CALN1: variants seen among roughly 807,000 people sequenced by gnomAD.
CALN1 encodes calcium-binding protein 8.
A neutral mutation model predicts 30.6 loss-of-function variants in CALN1; 17 were observed. The observed-to-expected ratio is 0.56, with a 90% CI of 0.38 to 0.83. The LOEUF (loss-of-function observed/expected upper bound fraction) is 0.83. CALN1 is among the 40% of genes least tolerant of loss of function. The pLI, the probability that CALN1 is intolerant of heterozygous loss-of-function variation, is 0.00. For missense variants in CALN1, 291 were observed against 354.9 expected, an observed-to-expected ratio of 0.82 and a Z score of 1.45; for synonymous variants, 156 against 131.4, an observed-to-expected ratio of 1.19 and a Z score of -1.28.
intron 5 of CALN1, among the ~76,000 whole-genome samples, chr7:71,901,737 CCTCT>C (rs1469218806): frequency 6.6e-6 from 1 of 151,914 alleles, no homozygotes; most frequent in Non-Finnish European, 1.5e-5. Context: ...ATGAAATGAC[CCTCT>C]CTCTCACCAT....
intron 4 of CALN1, among the ~76,000 whole-genome samples, chr7:72,034,414 A>T (rs1359005092): frequency 6.6e-6 from 1 of 151,272 alleles, no homozygotes; most frequent in Non-Finnish European, 1.5e-5. Flanking sequence ...CAGGAGGAGG[A>T]CGTACTGGGG....
intron 2 of CALN1, among the ~76,000 whole-genome samples, chr7:72,285,445 G>A (rs541874910): frequency 1.2e-4 from 18 of 152,052 alleles, no homozygotes; most frequent in South Asian, 4.1e-4. Flanking sequence ...GGGTTTCACC[G>A]TGTTGGCCAG....
intron 2 of CALN1, among the ~76,000 whole-genome samples, chr7:72,301,357 C>T (rs1799248329): frequency 6.6e-6 from 1 of 151,918 alleles, no homozygotes; most frequent in Non-Finnish European, 1.5e-5. Context: ...CCTGTAATCC[C>T]ACCACTTTGG....
At chr7:72,382,387 G>C (rs1804955674) in intron 2 of CALN1, among the ~76,000 whole-genome samples, 1 of 152,234 alleles carries the variant, frequency 6.6e-6, no homozygotes, top group Non-Finnish European at 1.5e-5. Flanking sequence ...CAGAGTCTGG[G>C]AGGCTTAAGT....
chr7:71,921,011 A>G (rs182187990), intron 5 of CALN1, among the ~76,000 whole-genome samples: 1 of 152,242 alleles, frequency 6.6e-6, no homozygotes, highest in Non-Finnish European at 1.5e-5. Context: ...TACACCATGG[A>G]ATACTATGCA....
the CALN1 span, among the ~76,000 whole-genome samples, chr7:72,490,453 G>T: frequency 6.6e-6 from 1 of 152,158 alleles, no homozygotes; most frequent in Non-Finnish European, 1.5e-5. Flanking sequence ...TGGCCATGTT[G>T]TCTAACTTCT....
At chr7:72,191,068 C>T (rs917464487) in intron 3 of CALN1, among the ~76,000 whole-genome samples, 9 of 152,194 alleles carry the variant, frequency 5.9e-5, no homozygotes, top group Non-Finnish European at 5.9e-5. Context: ...GACGTAGTTA[C>T]TGCTTTTGTG....
chr7:71,932,815 C>CAAA (rs5884864), intron 5 of CALN1, among the ~76,000 whole-genome samples: 18,837 of 82,176 alleles, frequency 0.23, 1,549 homozygotes, highest in Non-Finnish European at 0.28. Flanking sequence ...TACTCCATCT[C>CAAA]AAAAAAAAAA....
At chr7:71,971,219 C>T (rs1175517715) in intron 5 of CALN1, among the ~76,000 whole-genome samples, 2 of 152,098 alleles carry the variant, frequency 1.3e-5, no homozygotes, top group African/African-American at 2.4e-5. Context: ...GAGGCCAAGG[C>T]GGGCAAATCA....
intron 1 of CALN1, among the ~76,000 whole-genome samples, chr7:72,441,349 G>A (rs1808337296): frequency 6.6e-6 from 1 of 152,044 alleles, no homozygotes; most frequent in Non-Finnish European, 1.5e-5. Flanking sequence ...TGTAATCCCA[G>A]CACTTTGGGA....
intron 4 of CALN1, among the ~76,000 whole-genome samples, chr7:72,046,421 T>C (rs1219003395): frequency 1.3e-5 from 2 of 151,682 alleles, no homozygotes; most frequent in South Asian, 2.1e-4. Context: ...TTTAATTTTT[T>C]TGTAGAGAGG....
chr7:72,268,595 C>T (rs537213283), intron 3 of CALN1, among the ~76,000 whole-genome samples: 2 of 152,200 alleles, frequency 1.3e-5, no homozygotes, highest in African/African-American at 4.8e-5. Flanking sequence ...CCCTTGAGCC[C>T]AGGCGTTCAA....
At chr7:72,247,293 G>A (rs1459637543) in intron 3 of CALN1, among the ~76,000 whole-genome samples, 14 of 125,196 alleles carry the variant, frequency 1.1e-4, no homozygotes, top group African/African-American at 4.3e-4. Flanking sequence ...CTGTCACCCA[G>A]GCTGGAGTGC....
chr7:72,499,897 CTTTCTTTCTTTCTTTCT>C, the CALN1 span, among the ~76,000 whole-genome samples: 2 of 45,056 alleles, frequency 4.4e-5, 1 homozygote, highest in East Asian at 1.1e-3. Flanking sequence ...TTCTTTCTTT[CTTTCTTTCTTTCTTTCT>C]ATCTTTCTCT....
At chr7:72,375,896 A>T (rs1562931522) in intron 2 of CALN1, among the ~76,000 whole-genome samples, 1 of 152,152 alleles carries the variant, frequency 6.6e-6, no homozygotes, top group Non-Finnish European at 1.5e-5. Flanking sequence ...CCCCAAACAG[A>T]AACCTCATTC....
intron 5 of CALN1, among the ~76,000 whole-genome samples, chr7:71,831,348 C>T (rs911233852): frequency 3.3e-5 from 5 of 151,518 alleles, no homozygotes; most frequent in South Asian, 4.2e-4. Flanking sequence ...GGTGCAGTGG[C>T]GTATGCCTGT....
intron 4 of CALN1, among the ~76,000 whole-genome samples, chr7:72,054,963 G>A (rs1169386495): frequency 1.3e-5 from 2 of 152,166 alleles, no homozygotes; most frequent in East Asian, 3.8e-4. Context: ...TAAAAGCTGA[G>A]AGACCTGGAG....
intron 5 of CALN1, among the ~76,000 whole-genome samples, chr7:71,941,668 G>C (rs1221118205): frequency 6.6e-6 from 1 of 152,180 alleles, no homozygotes; most frequent in Admixed American, 6.5e-5. Flanking sequence ...ATGTTCATGA[G>C]AAATTAGAGA....
At chr7:72,336,741 G>C in intron 2 of CALN1, 1 of 985,390 alleles carries the variant, frequency 1.0e-6, no homozygotes, top group South Asian at 4.7e-5. Flanking sequence ...CGGCAGCCGA[G>C]GCGCCTCCGC....
Sources: gnomAD v4.1 joint callset for allele counts (sites outside exome capture counted in the v4.1 genomes callset) on GRCh38, gnomAD v4.1.1 for gene constraint, MANE v1.5 for transcripts, NCBI Gene and HGNC (gene_info 2026-07-23, HGNC 2026-07-21) for gene names.